The following ZBBX variants were observed in gnomAD, a reference collection of about 807,000 sequenced individuals.
ZBBX encodes the protein zinc finger B-box domain-containing protein 1.
In ZBBX, 101 loss-of-function variants were observed where a neutral mutation model predicts 108.5. That is an observed-to-expected ratio of 0.93 (90% CI 0.79 to 1.10). The LOEUF is 1.10. ZBBX is among the 50% of genes least tolerant of loss of function. The pLI, the probability that ZBBX is intolerant of heterozygous loss-of-function variation, is 0.00. For missense variants in ZBBX, 1,009 were observed against 941.4 expected, an observed-to-expected ratio of 1.07 and a Z score of -0.94; for synonymous variants, 356 against 323.4, an observed-to-expected ratio of 1.10 and a Z score of -1.08.
chr3:167,356,489 C>T (rs1301956593), intron 8 of ZBBX, among the ~76,000 whole-genome samples: 1 of 152,014 alleles, frequency 6.6e-6, no homozygotes, highest in Admixed American at 6.6e-5. Flanking sequence ...AAAACTGTAA[C>T]ATAATATACA....
At chr3:167,233,776 AT>A in the ZBBX span, among the ~76,000 whole-genome samples, 1 of 150,176 alleles carries the variant, frequency 6.7e-6, no homozygotes, top group Non-Finnish European at 1.5e-5. Context: ...TGAAAAGGTT[AT>A]CTTCTCTGTG....
the ZBBX span, among the ~76,000 whole-genome samples, chr3:167,196,908 A>G: frequency 6.6e-6 from 1 of 152,230 alleles, no homozygotes; most frequent in African/African-American, 2.4e-5. Context: ...TCCCTGGTGA[A>G]ATAGTACCAA....
intron 8 of ZBBX, among the ~76,000 whole-genome samples, chr3:167,359,507 T>C (rs879558177): frequency 1.3e-5 from 2 of 152,114 alleles, no homozygotes; most frequent in Non-Finnish European, 2.9e-5. Context: ...TTTACAATAA[T>C]GGGGTGCAGG....
the ZBBX span, among the ~76,000 whole-genome samples, chr3:167,202,053 A>C: frequency 6.6e-6 from 1 of 152,028 alleles, no homozygotes; most frequent in African/African-American, 2.4e-5. Flanking sequence ...GGTCCCTATG[A>C]GTTGTGGATG....
chr3:167,188,765 C>G, the ZBBX span, among the ~76,000 whole-genome samples: 76 of 152,294 alleles, frequency 5.0e-4, no homozygotes, highest in African/African-American at 1.8e-3. Context: ...ATAAGCAAGT[C>G]TGATTCTTGA....
chr3:167,201,907 A>G, the ZBBX span, among the ~76,000 whole-genome samples: 1 of 152,176 alleles, frequency 6.6e-6, no homozygotes, highest in South Asian at 2.1e-4. Context: ...GCCATACACC[A>G]TCTTCATCTA....
the ZBBX span, among the ~76,000 whole-genome samples, chr3:167,215,452 A>G: frequency 1.3e-5 from 2 of 152,250 alleles, no homozygotes; most frequent in East Asian, 3.9e-4. Flanking sequence ...TCCTGAACAC[A>G]TCAATAATGA....
At chr3:167,198,155 C>T in the ZBBX span, among the ~76,000 whole-genome samples, 4 of 151,688 alleles carry the variant, frequency 2.6e-5, no homozygotes, top group Non-Finnish European at 5.9e-5. Flanking sequence ...ACCATAATAA[C>T]CTTTCTCCAA....
In ZBBX at chr3:167,365,948, T is replaced by C. The variant is rs1245656747; in HGVS notation, c.211A>G (p.Lys71Glu). 2.5e-6 allele frequency: 4 copies of C among 1,608,322 alleles called. No homozygotes were observed. In the Admixed American group the frequency reaches 6.7e-5, roughly 27 times the overall value. Reference protein sequence around the residue: ...ESSEYYWKSGKVGKLVNQSYM... With the variant: ...ESSEYYWKSGEVGKLVNQSYM... ...GATTGATTGACCAATTTGCCCACTT[T>C]TCCAGATTTCCAGTAATACTCGCTT... Residue 71 changes from lysine (K) to glutamate (E), a missense_variant, in exon 6 of 22, where the codon AAA (lysine) becomes GAA (glutamate). Transcript: ENST00000675490.
intron 11 of ZBBX, among the ~76,000 whole-genome samples, chr3:167,324,146 T>C (rs1736954526): frequency 1.3e-5 from 2 of 152,020 alleles, no homozygotes; most frequent in South Asian, 4.1e-4. Flanking sequence ...GCAAACAAAA[T>C]TCTTTTTTTT....
At chr3:167,256,994 T>A (rs1723637933) in intron 20 of ZBBX, among the ~76,000 whole-genome samples, 1 of 152,128 alleles carries the variant, frequency 6.6e-6, no homozygotes. Context: ...CACCCAGCAG[T>A]GGGATTAATG....
intron 20 of ZBBX, among the ~76,000 whole-genome samples, chr3:167,271,938 A>G (rs1373667551): frequency 1.3e-5 from 2 of 152,220 alleles, no homozygotes; most frequent in Non-Finnish European, 2.9e-5. Flanking sequence ...ACTAACAGAG[A>G]ACACTGACTC....
intron 20 of ZBBX, among the ~76,000 whole-genome samples, chr3:167,277,602 G>C (rs1404001832): frequency 6.6e-6 from 1 of 152,120 alleles, no homozygotes; most frequent in East Asian, 1.9e-4. Context: ...CATAAAGCAA[G>C]TCCTGAGTGA....
chr3:167,245,842 T>G (rs1027915464), intron 20 of ZBBX, among the ~76,000 whole-genome samples: 10 of 151,880 alleles, frequency 6.6e-5, no homozygotes, highest in African/African-American at 2.4e-4. Flanking sequence ...AAGTTGTAAG[T>G]TTTTTTTATA....
chr3:167,258,185 A>C (rs1409284150), intron 20 of ZBBX, among the ~76,000 whole-genome samples: 1 of 152,096 alleles, frequency 6.6e-6, no homozygotes, highest in African/African-American at 2.4e-5. Context: ...GAACACTTCT[A>C]CACTGCTGGT....
chr3:167,396,032 A>G (rs751122207), intron 1 of ZBBX, among the ~76,000 whole-genome samples: 1 of 152,038 alleles, frequency 6.6e-6, no homozygotes, highest in African/African-American at 2.4e-5. Flanking sequence ...GGAAGAAGAC[A>G]GTTGTCATGG....
intron 20 of ZBBX, among the ~76,000 whole-genome samples, chr3:167,245,227 C>A (rs1721354000): frequency 6.6e-6 from 1 of 152,080 alleles, no homozygotes; most frequent in African/African-American, 2.4e-5. Context: ...TCCTGGCCCA[C>A]ACAGTGAAAC....
chr3:167,257,047 A>G (rs1303216616), intron 20 of ZBBX, among the ~76,000 whole-genome samples: 1 of 152,176 alleles, frequency 6.6e-6, no homozygotes, highest in African/African-American at 2.4e-5. Flanking sequence ...AGGAACCTCC[A>G]AACTGTTCTC....
At chr3:167,349,593 A>T (rs1742290726) in intron 9 of ZBBX, among the ~76,000 whole-genome samples, 3 of 152,046 alleles carry the variant, frequency 2.0e-5, no homozygotes, top group African/African-American at 7.2e-5. Context: ...GCAAAGATTG[A>T]AATCTACCAG....
Sources: gnomAD v4.1 joint callset for allele counts (sites outside exome capture counted in the v4.1 genomes callset) on GRCh38, gnomAD v4.1.1 for gene constraint, MANE v1.5 for transcripts, NCBI Gene and HGNC (gene_info 2026-07-23, HGNC 2026-07-21) for gene names.